The following FXR2 variants were observed in gnomAD, a reference collection of about 807,000 sequenced individuals.
FXR2 encodes the protein FMR1 autosomal homolog 2.
A neutral mutation model predicts 87.3 loss-of-function variants in FXR2; 9 were observed. The observed-to-expected ratio is 0.10, with a 90% CI of 0.06 to 0.18. The LOEUF is 0.18. Ranked by LOEUF, FXR2 falls within the 10% of genes least tolerant of loss-of-function variation. The pLI, the probability that FXR2 is intolerant of heterozygous loss-of-function variation, is 1.00. For missense variants in FXR2, 661 were observed against 893.6 expected (o/e 0.74, Z 3.32); for synonymous variants, 331 against 328.3 (o/e 1.01, Z -0.09).
At chr17:7,602,846 TA>T in intron 6 of FXR2, 62 bp downstream of exon 6, 2 of 822,628 alleles carry the variant, frequency 2.4e-6, no homozygotes, top group Non-Finnish European at 4.1e-6. Flanking sequence ...GCAAAAGGGT[TA>T]AAAAGGGAAA....
chr17:7,611,161 GGCCATTTTGTACGTCTTAA>G (rs2071860873), intron 1 of FXR2, among the ~76,000 whole-genome samples: 1 of 152,160 alleles, frequency 6.6e-6, no homozygotes, highest in Middle Eastern at 3.4e-3. Context: ...AAATACATTA[GGCCATTTTGTACGTCTTAA>G]GCCATTTTGT....
Position 7,612,923 on chromosome 17 carries a change from G to A in FXR2, c.81+1529C>T, listed in dbSNP as rs185412179. ...AGGCAGGAGAATGGCGCGAACCAGG[G>A]AGGCGGAGCTTGCAGTGAGCCAAGA... On this transcript the variant is annotated intron_variant, in intron 1 of 16. Transcript: ENST00000250113. 1.1e-4 allele frequency among the ~76,000 whole-genome samples: 16 copies of A among 149,190 alleles called. No individual in the cohort carries two copies. The East Asian group carries it at 3.2e-3, about 30-fold the overall frequency.
chr17:7,611,840 A>G (rs951114182), intron 1 of FXR2, among the ~76,000 whole-genome samples: 3 of 152,198 alleles, frequency 2.0e-5, no homozygotes, highest in Admixed American at 6.5e-5. Context: ...GTCAAAACGG[A>G]TAAGTATCTG....
chr17:7,602,909 C>A lies in FXR2; in HGVS notation c.543G>T (p.Leu181=). 1 of 1,445,100 alleles carries A rather than the reference C, an allele frequency of 6.9e-7. No individual in the cohort carries two copies. Among genetic ancestry groups the A allele is most frequent in the Admixed American group, 1.7e-5 (1 of 58,680 alleles). 89.5% of individuals were successfully genotyped at this position (1,445,100 alleles called of 1,614,324 possible). Residue 181 remains leucine (L), a splice_region_variant and synonymous_variant, in exon 6 of 17, where the codon CTG becomes CTT. Transcript: ENST00000250113. ...TGAAATTCAGGCAGAATAAACTCAC[C>A]AGAATGAAGAGCTCACTGTTTGTGA... ...LNITNSELFI[L]STTEAPVKRA...
In FXR2 at chr17:7,594,389, A is replaced by T; in HGVS notation, c.911-42T>A. The T allele has an allele frequency of 7.9e-7, 1 of 1,261,494 alleles. No homozygotes were observed. The highest frequency in any genetic ancestry group is 1.2e-6 in the Non-Finnish European group (1 of 866,470). 78.1% of individuals were successfully genotyped at this position (1,261,494 alleles called of 1,614,324 possible). A position where few individuals can be genotyped will look rare whatever the true frequency, so the allele number is the denominator to read the frequency against. On this transcript the variant is annotated intron_variant, in intron 9 of 16. Transcript: ENST00000250113. This position sits in a 1 kb window ranked among gnomAD's most constrained non-coding sequence, Gnocchi z 5.1. Reference sequence around the variant, plus strand: ...AGGAATTCAGCCTTTTATTTTTTTTAAGGAAATAAGAATAAAGCTGATACA... The same window carrying T: ...AGGAATTCAGCCTTTTATTTTTTTTTAGGAAATAAGAATAAAGCTGATACA...
rs749919687 is a variant in FXR2 at position 7,592,409 on chromosome 17, G to A, written c.1826-55C>T. 1 of 1,532,446 alleles carries A rather than the reference G, an allele frequency of 6.5e-7. No individual in the cohort carries two copies. The highest frequency in any genetic ancestry group is 1.1e-5 in the South Asian group (1 of 89,538). The allele number at this position is 1,532,446 out of a possible 1,614,324, so 94.9% of individuals were successfully genotyped here. A position where few individuals can be genotyped will look rare whatever the true frequency, so the allele number is the denominator to read the frequency against. On this transcript the variant is annotated intron_variant, in intron 15 of 16. Transcript: ENST00000250113. The surrounding 1 kb of genome is among the most constrained non-coding windows in gnomAD (Gnocchi z 4.8). The stretch of plus-strand genomic sequence containing the variant: ...GATGGAATTCTGGTAGCCAGCCTAA[G>A]ACACCCACTGAACCCGAACCCCTGA...
chr17:7,591,897 C>A lies in FXR2; in HGVS notation c.1955G>T (p.Gly652Val), dbSNP rs1202506017. Residue 652 changes from glycine to valine, a missense_variant, in exon 17 of 17, where the codon GGC becomes GTC. Coordinates refer to ENST00000250113, the MANE Select transcript of FXR2 (RefSeq NM_004860.4). This position sits in a 1 kb window ranked among gnomAD's most constrained non-coding sequence, Gnocchi z 4.0. ...KGDSVSKLPK[G>V]PSENGELSAP... is the part of the protein sequence containing the mutation. ...GGAGAGCTCCCCATTCTCCGAGGGG[C>A]CCTTAGGAAGCTTGCTGACAGAGTC... is the stretch of plus-strand genomic sequence containing the variant. 1.5e-5 allele frequency: 24 copies of A among 1,603,612 alleles called. No individual in the cohort carries two copies. The highest frequency in any genetic ancestry group is 1.9e-5 in the Non-Finnish European group (22 of 1,170,764).
chr17:7,605,378 C>A (rs1443887497), intron 3 of FXR2, among the ~76,000 whole-genome samples: 1 of 151,996 alleles, frequency 6.6e-6, no homozygotes, highest in African/African-American at 2.4e-5. Flanking sequence ...AAAACAACAA[C>A]AACAACAACA....
chr17:7,614,611 T>C lies in FXR2; in HGVS notation c.-79A>G. 1.1e-6 allele frequency: 1 copy of C among 909,032 alleles called. No homozygotes were observed. 56.3% of individuals were successfully genotyped at this position (909,032 alleles called of 1,614,324 possible). On this transcript the variant is annotated 5_prime_UTR_variant, in exon 1 of 17. Transcript: ENST00000250113. The stretch of plus-strand genomic sequence containing the variant: ...TGCGGGCCGGGCCAGGCCCCCGGCG[T>C]CTCCCCGGAGGAGGAGCCGGAGGGG...
At position 7,594,412 on chromosome 17, in the gene FXR2, A is replaced by ACACC; in HGVS notation, c.911-69_911-66dup. The ACACC allele has an allele frequency of 2.0e-6, 2 of 979,070 alleles. No homozygotes were observed. The highest frequency in any genetic ancestry group is 1.6e-5 in the African/African-American group (1 of 62,004). 60.6% of individuals were successfully genotyped at this position (979,070 alleles called of 1,614,324 possible). A position where few individuals can be genotyped will look rare whatever the true frequency, so the allele number is the denominator to read the frequency against. On this transcript the variant is annotated intron_variant, in intron 9 of 16. Transcript: ENST00000250113. This position sits in a 1 kb window ranked among gnomAD's most constrained non-coding sequence, Gnocchi z 5.1. ...TTAAGGAAATAAGAATAAAGCTGAT[A>ACACC]CACCGTCTTCCAGCCTCATTTTCTT...
intron 1 of FXR2, among the ~76,000 whole-genome samples, chr17:7,609,950 GTATACATATA>G (rs2071839580): frequency 6.0e-5 from 7 of 116,522 alleles, no homozygotes; most frequent in Non-Finnish European, 6.0e-5. Flanking sequence ...ACATGTATAT[GTATACATATA>G]TATACATGTA....
intron 2 of FXR2, 40 bp from the exon 3 acceptor site, chr17:7,605,778 G>A: frequency 8.9e-7 from 1 of 1,121,716 alleles, no homozygotes; most frequent in Non-Finnish European, 1.3e-6. Flanking sequence ...TACTCTGACT[G>A]ATATGGTTGC....
Position 7,602,894 on chromosome 17 carries a change from G to A in FXR2, c.543+15C>T. The A allele has an allele frequency of 8.0e-7, 1 of 1,242,592 alleles. No individual in the cohort carries two copies. Among genetic ancestry groups the A allele is most frequent in the Admixed American group, 1.8e-5 (1 of 55,330 alleles). 77.0% of individuals were successfully genotyped at this position (1,242,592 alleles called of 1,614,324 possible). A position where few individuals can be genotyped will look rare whatever the true frequency, so the allele number is the denominator to read the frequency against. On this transcript the variant is annotated intron_variant, in intron 6 of 16. Transcript: ENST00000250113. The stretch of plus-strand genomic sequence containing the variant: ...TTCAAAAGGCTTATGTGAAATTCAG[G>A]CAGAATAAACTCACCAGAATGAAGA...
Position 7,593,719 on chromosome 17 carries a change from C to G in FXR2, c.1108-94G>C. 1.1e-6 allele frequency: 1 copy of G among 934,206 alleles called. No individual in the cohort carries two copies. Among genetic ancestry groups the G allele is most frequent in the Non-Finnish European group, 1.7e-6 (1 of 600,130 alleles). The allele number at this position is 934,206 out of a possible 1,614,324, so 57.9% of individuals were successfully genotyped here. On this transcript the variant is annotated intron_variant, in intron 11 of 16. Transcript: ENST00000250113. The surrounding 1 kb of genome is among the most constrained non-coding windows in gnomAD (Gnocchi z 6.1). ...CCCTGACTGTCCCTCTATATCTAAC[C>G]TCTCAGGAATGCAGGGAGAAGGAAG...
chr17:7,605,722 G>C lies in FXR2; in HGVS notation c.151C>G (p.Gln51Glu), dbSNP rs774134941. The C allele has an allele frequency of 5.1e-6, 8 of 1,574,160 alleles. No individual in the cohort carries two copies. The African/African-American group carries it at 9.4e-5, about 19-fold the overall frequency. The change falls in exon 3 of 17, where the codon CAA becomes GAA. Residue 51 changes from glutamine to glutamate, a missense_variant. Gln to Glu is a conservative substitution (Grantham distance 29, BLOSUM62 2). This residue lies in a region of FXR2 where 170 missense variants were observed against 247.2 expected (regional missense o/e 0.69). Transcript: ENST00000250113. ...FFENNWQSER[Q>E]IPFGDVRLPP... ...AGCCGGACATCCCCAAAAGGAATTT[G>C]TCTCTCACTCTGCCAGCTATAATAG...
Position 7,610,280 on chromosome 17 carries a change from GT to G in FXR2, c.82-4132del, listed in dbSNP as rs367821168. On this transcript the variant is annotated intron_variant, in intron 1 of 16. Transcript: ENST00000250113. ...TTAGAAGTAGTTTATCAAGGCAGGA[GT>G]TACACTGACAGAAAGAAGTGGAAAA... 1.3e-3 allele frequency among the ~76,000 whole-genome samples: 205 copies of G among 152,134 alleles called. 1 individual carries two copies. The highest frequency in any genetic ancestry group is 4.6e-3 in the African/African-American group (189 of 41,508).
In FXR2 at chr17:7,592,181, G is replaced by C; in HGVS notation, c.1926+73C>G. ...CTCTGCAATTCAGTAGGAGATTTGT[G>C]AAATTTTTTGTGCCCCCTGCCCCAG... On this transcript the variant is annotated intron_variant, in intron 16 of 16. Coordinates refer to ENST00000250113, the MANE Select transcript of FXR2 (RefSeq NM_004860.4). This position sits in a 1 kb window ranked among gnomAD's most constrained non-coding sequence, Gnocchi z 4.8. 1 of 1,551,662 alleles carries C rather than the reference G, an allele frequency of 6.4e-7. No individual in the cohort carries two copies. The highest frequency in any genetic ancestry group is 8.8e-7 in the Non-Finnish European group (1 of 1,137,224).
intron 1 of FXR2, chr17:7,614,052 T>C (rs2071906376): frequency 4.3e-6 from 2 of 469,018 alleles, no homozygotes; most frequent in South Asian, 1.5e-5. Context: ...AGGGACCGTG[T>C]GGAAGAAAGA....
intron 7 of FXR2, among the ~76,000 whole-genome samples, chr17:7,596,999 C>A (rs2071712821): frequency 6.6e-6 from 1 of 152,106 alleles, no homozygotes; most frequent in Non-Finnish European, 1.5e-5. Context: ...GCTTGGGAGG[C>A]TGAGGCAGGA....
Sources: gnomAD v4.1 joint callset for allele counts (sites outside exome capture counted in the v4.1 genomes callset) on GRCh38, gnomAD v4.1.1 for gene constraint, gnomAD v4.1.1 regional missense constraint, Gnocchi (gnomAD v3.1) non-coding constraint, MANE v1.5 for transcripts, NCBI Gene and HGNC (gene_info 2026-07-23, HGNC 2026-07-21) for gene names.